TSC2: variants seen among roughly 807,000 people sequenced by gnomAD.
The protein encoded by TSC2 is TSC complex subunit 2.
Under a neutral mutation model 202.2 loss-of-function variants are expected in TSC2, and 29 were observed. The observed-to-expected ratio is 0.14, with a 90% CI of 0.11 to 0.20. The LOEUF (loss-of-function observed/expected upper bound fraction) is 0.20. Ranked by LOEUF, TSC2 falls within the 10% of genes least tolerant of loss-of-function variation. The probability of loss-of-function intolerance (pLI) is 1.00; values close to 1 mark genes in which losing one functional copy is unlikely to be tolerated. For synonymous variants in TSC2, 1,349 were observed against 1,044.0 expected (o/e 1.29, Z -5.63); for missense variants, 2,429 against 2,420.0 (o/e 1.00, Z -0.08).
chr16:2,081,213 C>T (rs2090102354), intron 30 of TSC2: 5 of 356,026 alleles, frequency 1.4e-5, no homozygotes, highest in South Asian at 9.4e-5. Context: ...AGAGGGAGCC[C>T]CCGCAGAGGC....
In TSC2 at chr16:2,085,207, A is replaced by AGGCAGGGCTCT. The variant is rs137854040; in HGVS notation, c.4570-21_4570-11dup. On this transcript the variant is annotated intron_variant, in intron 35 of 41. Transcript: ENST00000219476. ...TCCTGTGGACGGGCGTCTGGGGCTC[A>AGGCAGGGCTCT]GGCAGGGCTCTGTGTGCCACAGTCA... is the stretch of plus-strand genomic sequence containing the variant. 5.8e-5 allele frequency: 94 copies of AGGCAGGGCTCT among 1,612,482 alleles called. No individual in the cohort carries two copies. Among genetic ancestry groups the AGGCAGGGCTCT allele is most frequent in the Non-Finnish European group, 7.1e-5 (84 of 1,179,890 alleles).
At chr16:2,076,302 C>T (rs555311027) in intron 24 of TSC2, 132 bp downstream of exon 24, 32 of 1,560,042 alleles carry the variant, frequency 2.1e-5, no homozygotes, top group African/African-American at 2.0e-4. Flanking sequence ...GTGCCTGTGG[C>T]GCTGGGGGCT....
chr16:2,086,727 C>T lies in TSC2; in HGVS notation c.4850-5C>T, dbSNP rs1596442866. ...ACAAACCCATCCGGCCCTGCTCACC[C>T]TCAGCCGTCTTCCACATCGCCACCC... On this transcript the variant is annotated splice_region_variant and splice_polypyrimidine_tract_variant and intron_variant, in intron 37 of 41. Transcript: ENST00000219476. 6.2e-7 allele frequency: 1 copy of T among 1,609,698 alleles called. No individual in the cohort carries two copies. The highest frequency in any genetic ancestry group is 2.2e-5 in the East Asian group (1 of 44,886).
Position 2,084,911 on chromosome 16 carries a change from A to G in TSC2, c.4494-40A>G, listed in dbSNP as rs1310657012. The G allele has an allele frequency of 1.9e-6, 3 of 1,611,650 alleles. No homozygotes were observed. The Admixed American group carries it at 5.0e-5, about 27-fold the overall frequency. ...CCTGTGGGCTGTGGCTGCCCTGGCCAGGCCCTCACCTGGGTGCCCACCATC... is the reference window on the plus strand; with the variant it reads ...CCTGTGGGCTGTGGCTGCCCTGGCCGGGCCCTCACCTGGGTGCCCACCATC... On this transcript the variant is annotated intron_variant, in intron 34 of 41. Transcript: ENST00000219476.
rs963790493 is a variant in TSC2 at position 2,079,965 on chromosome 16, G to T, written c.3398-200G>T. On this transcript the variant is annotated intron_variant, in intron 29 of 41. Transcript: ENST00000219476. The surrounding 1 kb of genome is among the most constrained non-coding windows in gnomAD (Gnocchi z 4.6). ...CCAGCGAGCCGTGGTCTGACTGCAG[G>T]ACAGGTTCTGGGTCCCTCCCTGTGG... 6.6e-6 allele frequency among the ~76,000 whole-genome samples: 1 copy of T among 152,260 alleles called. No individual in the cohort carries two copies. The highest frequency in any genetic ancestry group is 2.1e-4 in the South Asian group (1 of 4,836).
rs1596382214 is a variant in TSC2 at position 2,079,055 on chromosome 16, G to C, written c.2990G>C (p.Ser997Thr). The change falls in exon 27 of 42, where the codon AGT becomes ACT. Residue 997 changes from serine (S) to threonine (T), a missense_variant. By Grantham distance (58) the Ser-to-Thr change is moderately conservative. Coordinates refer to ENST00000219476, the MANE Select transcript of TSC2 (RefSeq NM_000548.5). This position sits in a 1 kb window ranked among gnomAD's most constrained non-coding sequence, Gnocchi z 4.6. ...AGCAGGATACAGACGTCCCTCACCA[G>C]TGCCAGCTTGGGGTCTGCAGATGAG... Reference protein sequence around the residue: ...VRSRIQTSLTSASLGSADENS... With the variant: ...VRSRIQTSLTTASLGSADENS... 6.2e-7 allele frequency: 1 copy of C among 1,612,876 alleles called. No homozygotes were observed. The highest frequency in any genetic ancestry group is 1.1e-5 in the South Asian group (1 of 91,082).
chr16:2,070,330 A>AGGTCGTGTGTTT, intron 16 of TSC2, 126 bp from the exon 17 acceptor site: 1 of 1,526,654 alleles, frequency 6.6e-7, no homozygotes, highest in Non-Finnish European at 9.0e-7. Context: ...CTGGGTTTGA[A>AGGTCGTGTGTTT]GGTCGTGTGT....
At chr16:2,084,156 C>T in intron 33 of TSC2, 72 bp from the exon 34 acceptor site, 1 of 1,549,626 alleles carries the variant, frequency 6.5e-7, no homozygotes, top group African/African-American at 1.4e-5. Context: ...GGCCTCACCA[C>T]CTCCAGGTCA....
chr16:2,085,527 C>T (rs2090668992), intron 36 of TSC2, among the ~76,000 whole-genome samples: 1 of 152,220 alleles, frequency 6.6e-6, no homozygotes, highest in South Asian at 2.1e-4. Context: ...CGTGGGAGCA[C>T]CCGGCACACC....
intron 30 of TSC2, chr16:2,080,768 G>A (rs1015147861): frequency 3.3e-5 from 8 of 244,480 alleles, no homozygotes; most frequent in African/African-American, 9.1e-5. Flanking sequence ...ACAGGCGTGA[G>A]CCACCGCGCC....
chr16:2,053,992 T>G (rs1285968415), intron 4 of TSC2: 4 of 485,268 alleles, frequency 8.2e-6, no homozygotes, highest in African/African-American at 2.0e-5. Flanking sequence ...CACAAGGCTG[T>G]CTGCCCTGCA....
chr16:2,054,166 G>A, intron 4 of TSC2, 130 bp from the exon 5 acceptor site: 3 of 1,437,172 alleles, frequency 2.1e-6, no homozygotes, highest in East Asian at 2.3e-5. Flanking sequence ...CCTGTCTCTT[G>A]CAGGGCGCCT....
chr16:2,085,208 G>A (rs376122519), intron 35 of TSC2, 22 bp from the exon 36 acceptor site: 4 of 1,612,508 alleles, frequency 2.5e-6, no homozygotes, highest in Admixed American at 1.7e-5. Context: ...CTGGGGCTCA[G>A]GCAGGGCTCT....
rs564937769 is a variant in TSC2, at chr16:2,074,115, G to T, written c.2356-85G>T. ...CTTGCTAAGCCTCGGCTGTTCTCCC[G>T]GTGGAGCACTCGAGGTTGGCGAGGG... is the stretch of plus-strand genomic sequence containing the variant. On this transcript the variant is annotated intron_variant, in intron 21 of 41. Coordinates refer to ENST00000219476, the MANE Select transcript of TSC2 (RefSeq NM_000548.5). 6.4e-6 allele frequency: 10 copies of T among 1,564,296 alleles called. No individual in the cohort carries two copies. In the South Asian group the frequency reaches 1.1e-4, roughly 18 times the overall value.
intron 15 of TSC2, 87 bp downstream of exon 15, chr16:2,064,514 C>A (rs766860559): frequency 6.3e-7 from 1 of 1,594,144 alleles, no homozygotes; most frequent in Non-Finnish European, 8.5e-7. Context: ...TCCTCCTCTT[C>A]GAGTGACCGG....
intron 38 of TSC2, 29 bp from the exon 39 acceptor site, chr16:2,087,834 G>A (rs554390303): frequency 8.5e-5 from 137 of 1,610,488 alleles, no homozygotes; most frequent in Middle Eastern, 8.2e-4. Context: ...CGCTGTGTGC[G>A]GGGATGACCC....
Position 2,072,140 on chromosome 16 carries a change from C to T in TSC2, c.2098-101C>T, listed in dbSNP as rs375568276. On this transcript the variant is annotated intron_variant, in intron 19 of 41. Coordinates refer to ENST00000219476, the MANE Select transcript of TSC2 (RefSeq NM_000548.5). ...CCGGCTGAGAACAGGGCTCCATAGC[C>T]CTTGACGCTGTGCAGCCACAAAGCA... 53 of 1,594,098 alleles carry T rather than the reference C, an allele frequency of 3.3e-5. No homozygotes were observed. In the East Asian group the frequency reaches 6.5e-4, roughly 20 times the overall value.
chr16:2,070,031 C>A (rs1431921253), intron 16 of TSC2, among the ~76,000 whole-genome samples: 2 of 152,322 alleles, frequency 1.3e-5, no homozygotes, highest in Non-Finnish European at 2.9e-5. Flanking sequence ...GGCCAGATTT[C>A]CCCTGGCTCC....
In TSC2 at chr16:2,088,701, G is replaced by A. The variant is rs1039094131; in HGVS notation, c.*91G>A. 2.0e-5 allele frequency: 29 copies of A among 1,472,964 alleles called. No homozygotes were observed. In the African/African-American group the frequency reaches 3.8e-4, roughly 19 times the overall value. 91.2% of individuals were successfully genotyped at this position (1,472,964 alleles called of 1,614,324 possible). ...CTGACCCCAGTGCACAGACATAGAGGCACAGATTGCAGTCAGACAGCTCTT... is the reference window on the plus strand; with the variant it reads ...CTGACCCCAGTGCACAGACATAGAGACACAGATTGCAGTCAGACAGCTCTT... On this transcript the variant is annotated 3_prime_UTR_variant, in exon 42 of 42. Coordinates refer to ENST00000219476, the MANE Select transcript of TSC2 (RefSeq NM_000548.5).
Sources: allele counts gnomAD v4.1 joint callset (sites outside exome capture counted in the v4.1 genomes callset), GRCh38; gene constraint gnomAD v4.1.1; non-coding constraint Gnocchi (gnomAD v3.1); transcripts MANE v1.5; gene names NCBI Gene and HGNC (gene_info 2026-07-23, HGNC 2026-07-21).